Variants in MECOM observed in about 807,000 individuals in gnomAD.
MECOM encodes the protein histone-lysine N-methyltransferase MECOM.
In MECOM, 13 loss-of-function variants were observed where a neutral mutation model predicts 116.3. The observed-to-expected ratio is 0.11, with a 90% CI of 0.07 to 0.18. The LOEUF is 0.18. Ranked by LOEUF, MECOM falls within the 10% of genes least tolerant of loss-of-function variation. MECOM has a pLI of 1.00. For missense variants in MECOM, 1,299 were observed against 1,509.0 expected, an observed-to-expected ratio of 0.86 and a Z score of 2.31; for synonymous variants, 528 against 535.2, an observed-to-expected ratio of 0.99 and a Z score of 0.19.
chr3:169,298,342 T>C (rs1263908067), intron 2 of MECOM, among the ~76,000 whole-genome samples: 1 of 152,002 alleles, frequency 6.6e-6, no homozygotes, highest in Non-Finnish European at 1.5e-5. Context: ...GATACATATG[T>C]ATTAAATGTT....
chr3:169,645,999 C>T (rs1265480762), intron 1 of MECOM, among the ~76,000 whole-genome samples: 2 of 152,086 alleles, frequency 1.3e-5, no homozygotes, highest in Non-Finnish European at 2.9e-5. Flanking sequence ...AACTTGTCCA[C>T]TGCTCTTTCC....
rs140549897 is a variant in MECOM at position 169,253,166 on chromosome 3, C to T, written c.376-109334G>A. On this transcript the variant is annotated intron_variant, in intron 2 of 16. Coordinates refer to ENST00000651503, the MANE Select transcript of MECOM (RefSeq NM_004991.4). ...ACATGAATACAATAGGTTAATCCAA[C>T]ACCAAAAGATTGAATTTGGTTGGAA... Among the ~76,000 whole-genome samples, 39 of 152,276 alleles carry T rather than the reference C, an allele frequency of 2.6e-4. No homozygotes were observed. In the East Asian group the frequency reaches 7.5e-3, roughly 29 times the overall value.
At chr3:169,526,194 G>GA (rs1213022865) in intron 1 of MECOM, among the ~76,000 whole-genome samples, 1 of 151,952 alleles carries the variant, frequency 6.6e-6, no homozygotes, top group Non-Finnish European at 1.5e-5. Context: ...ATGTTGAATT[G>GA]AAAAACCTCA....
At chr3:169,269,481 G>A (rs184528219) in intron 2 of MECOM, among the ~76,000 whole-genome samples, 26 of 152,274 alleles carry the variant, frequency 1.7e-4, no homozygotes, top group African/African-American at 6.3e-4. Flanking sequence ...AAGGCACTGA[G>A]TTTAGTTGCA....
At chr3:169,509,050 A>T (rs1014003363) in intron 1 of MECOM, among the ~76,000 whole-genome samples, 1 of 152,224 alleles carries the variant, frequency 6.6e-6, no homozygotes, top group Admixed American at 6.5e-5. Flanking sequence ...AACAATGACT[A>T]AACTCTACAC....
intron 2 of MECOM, among the ~76,000 whole-genome samples, chr3:169,246,822 A>C (rs958827499): frequency 6.6e-6 from 1 of 152,082 alleles, no homozygotes; most frequent in Non-Finnish European, 1.5e-5. Flanking sequence ...CCTGGCCCAC[A>C]TACAGTTTTT....
intron 2 of MECOM, among the ~76,000 whole-genome samples, chr3:169,284,710 A>G (rs891444858): frequency 6.6e-6 from 1 of 152,286 alleles, no homozygotes; most frequent in Admixed American, 6.5e-5. Flanking sequence ...AAATAAGGAC[A>G]TAGAGGTTCA....
At chr3:169,137,178 T>C (rs1038667236) in intron 3 of MECOM, among the ~76,000 whole-genome samples, 10 of 152,080 alleles carry the variant, frequency 6.6e-5, no homozygotes, top group African/African-American at 2.4e-4. Flanking sequence ...ACTTCAGCAA[T>C]TGGAGGGTGG....
At chr3:169,355,815 A>G (rs1004095516) in intron 2 of MECOM, among the ~76,000 whole-genome samples, 2 of 151,980 alleles carry the variant, frequency 1.3e-5, no homozygotes, top group African/African-American at 2.4e-5. Flanking sequence ...AGCAGTGAAG[A>G]TTCTCTAGAA....
chr3:169,197,584 A>T (rs1338182173), intron 2 of MECOM, among the ~76,000 whole-genome samples: 1 of 151,964 alleles, frequency 6.6e-6, no homozygotes, highest in African/African-American at 2.4e-5. Context: ...AAGCCAGAAG[A>T]TCCATTTTAG....
At chr3:169,235,010 A>G (rs1241627580) in intron 2 of MECOM, among the ~76,000 whole-genome samples, 2 of 152,224 alleles carry the variant, frequency 1.3e-5, no homozygotes, top group African/African-American at 4.8e-5. Context: ...TTCAAAGTAT[A>G]TATTTGAAAA....
At position 169,084,888 on chromosome 3, in the gene MECOM, C is replaced by T. The variant is rs772988182; in HGVS notation, c.*21G>A. On this transcript the variant is annotated 3_prime_UTR_variant, in exon 17 of 17. Transcript: ENST00000651503. ...CATGCTACTGTTGGACTTGGTCCCA[C>T]TCTGGTCAACCTTGATAACGTCATA... 1.2e-6 allele frequency: 2 copies of T among 1,613,830 alleles called. No individual in the cohort carries two copies. Among genetic ancestry groups the T allele is most frequent in the South Asian group, 2.2e-5 (2 of 91,026 alleles).
At chr3:169,262,634 G>T (rs1483948532) in intron 2 of MECOM, among the ~76,000 whole-genome samples, 1 of 152,072 alleles carries the variant, frequency 6.6e-6, no homozygotes, top group Admixed American at 6.6e-5. Flanking sequence ...GGTGAACTTA[G>T]AAGCCTTTTA....
In MECOM at chr3:169,121,135, C is replaced by T. The variant is rs559459964; in HGVS notation, c.1053G>A (p.Pro351=). 2.2e-5 allele frequency: 35 copies of T among 1,613,590 alleles called. No homozygotes were observed. The highest frequency in any genetic ancestry group is 3.3e-4 in the Middle Eastern group (2 of 6,006). ...QHVGARAHAC[P]ECGKTFATSS... is the part of the protein sequence containing the mutation. ...AAGTGGCAAACGTTTTGCCACACTC[C>T]GGGCATGCATGGGCCCGGGCACCGA... is the stretch of plus-strand genomic sequence containing the variant. The change falls in exon 7 of 17, where the codon CCG becomes CCA. Residue 351 remains proline, a synonymous_variant. Transcript: ENST00000651503.
At chr3:169,254,981 C>T (rs1157475813) in intron 2 of MECOM, among the ~76,000 whole-genome samples, 1 of 152,060 alleles carries the variant, frequency 6.6e-6, no homozygotes, top group African/African-American at 2.4e-5. Flanking sequence ...TGGAGCATGG[C>T]CACCACTTCC....
chr3:169,466,129 C>G (rs950189222), intron 1 of MECOM, among the ~76,000 whole-genome samples: 6 of 152,146 alleles, frequency 3.9e-5, no homozygotes, highest in Non-Finnish European at 8.8e-5. Flanking sequence ...TGAGTAGAAT[C>G]CCTGGCCATC....
At chr3:169,604,880 T>C (rs754493172) in intron 1 of MECOM, among the ~76,000 whole-genome samples, 9 of 152,176 alleles carry the variant, frequency 5.9e-5, no homozygotes, top group Non-Finnish European at 8.8e-5. Flanking sequence ...ACAGTATTCT[T>C]GGGGGTATCT....
At position 169,169,380 on chromosome 3, in the gene MECOM, A is replaced by G. The variant is rs143417792; in HGVS notation, c.376-25548T>C. ...AAGTTAAATTAACCTCATTACTTCA[A>G]ACTGAAATAATCAATATGATATGAC... On this transcript the variant is annotated intron_variant, in intron 2 of 16. Coordinates refer to ENST00000651503, the MANE Select transcript of MECOM (RefSeq NM_004991.4). Among the ~76,000 whole-genome samples the G allele has an allele frequency of 3.4e-3, 525 of 152,290 alleles. 1 individual carries two copies. The highest frequency in any genetic ancestry group is 5.2e-3 in the Non-Finnish European group (354 of 67,998).
intron 2 of MECOM, among the ~76,000 whole-genome samples, chr3:169,375,983 GA>G (rs1370415317): frequency 6.6e-6 from 1 of 151,980 alleles, no homozygotes; most frequent in Non-Finnish European, 1.5e-5. Flanking sequence ...TATCCACTAC[GA>G]TCAAGTCGGC....
Sources: allele counts gnomAD v4.1 joint callset (sites outside exome capture counted in the v4.1 genomes callset), GRCh38; gene constraint gnomAD v4.1.1; transcripts MANE v1.5; gene names NCBI Gene and HGNC (gene_info 2026-07-23, HGNC 2026-07-21).